Variants in LRP1 observed in about 807,000 individuals in gnomAD.
LRP1 encodes prolow-density lipoprotein receptor-related protein 1.
LRP1 carries 51 observed loss-of-function variants against 541.5 expected under a neutral mutation model. The observed-to-expected ratio is 0.09, with a 90% CI of 0.08 to 0.12. The LOEUF is 0.12. Ranked by LOEUF, LRP1 falls within the 10% of genes least tolerant of loss-of-function variation. The pLI, the probability that LRP1 is intolerant of heterozygous loss-of-function variation, is 1.00. For synonymous variants in LRP1, 2,219 were observed against 2,470.8 expected, an observed-to-expected ratio of 0.90 and a Z score of 3.02; for missense variants, 3,878 against 6,376.2, an observed-to-expected ratio of 0.61 and a Z score of 13.34.
rs781505775 is a variant in LRP1, at chr12:57,187,436, C to T, written c.7011C>T (p.Phe2337=). Residue 2337 remains phenylalanine, a synonymous_variant, in exon 42 of 89, where the codon TTC becomes TTT. Transcript: ENST00000243077. ...CTGGAGATGACCACCCACGGGCCTT[C>T]GTTTTGGACGAGTGCCAGAAGTGAG... ...TMSGDDHPRA[F]VLDECQNLMF... 9 of 1,613,430 alleles carry T rather than the reference C, an allele frequency of 5.6e-6. No homozygotes were observed. The highest frequency in any genetic ancestry group is 2.2e-5 in the East Asian group (1 of 44,892).
chr12:57,181,778 A>G (rs1035408206), intron 34 of LRP1, among the ~76,000 whole-genome samples: 1 of 152,206 alleles, frequency 6.6e-6, no homozygotes, highest in Admixed American at 6.5e-5. Flanking sequence ...TTAGGAGGCC[A>G]TTAGGAGTAA....
intron 3 of LRP1, among the ~76,000 whole-genome samples, chr12:57,143,238 AG>A (rs1326682867): frequency 6.6e-6 from 1 of 152,148 alleles, no homozygotes; most frequent in Non-Finnish European, 1.5e-5. Flanking sequence ...TCCAGGCCAG[AG>A]CTGGGATCCT....
In LRP1 at chr12:57,143,790, C is replaced by T. The variant is rs1406999652; in HGVS notation, c.440C>T (p.Thr147Ile). ...TTTCAGCTTCAGGCAGATGGCAAGA[C>T]CTGCAAAGGTATGTGAGTGCATGTG... ...SSFQLQADGK[T>I]CKDFDECSVY... The change falls in exon 4 of 89, where the codon ACC becomes ATC. Residue 147 changes from threonine to isoleucine, a missense_variant. Around this residue, in one of 13 missense-constraint regions of LRP1, gnomAD observed 293 missense variants for 403.7 expected, o/e 0.73. Transcript: ENST00000243077. The T allele has an allele frequency of 6.8e-6, 11 of 1,613,562 alleles. No individual in the cohort carries two copies. Among genetic ancestry groups the T allele is most frequent in the South Asian group, 2.2e-5 (2 of 90,992 alleles).
rs764688578 is a variant in LRP1, at chr12:57,146,536, A to G, written c.841+1046A>G. 3 of 152,220 alleles carry G rather than the reference A, an allele frequency of 2.0e-5. No homozygotes were observed. The East Asian group carries it at 5.8e-4, about 29-fold the overall frequency. 9.4% of individuals were successfully genotyped at this position (152,220 alleles called of 1,614,324 possible). A position where few individuals can be genotyped will look rare whatever the true frequency, so the allele number is the denominator to read the frequency against. ...TATTTGGTTCTTGTGATGAAAAGAA[A>G]GATCCCAGGAGGTTACAAGGGATTC... On this transcript the variant is annotated intron_variant, in intron 6 of 88. Transcript: ENST00000243077.
At chr12:57,147,751 C>G (rs936073106) in intron 6 of LRP1, 1 of 152,196 alleles carries the variant, frequency 6.6e-6, no homozygotes, top group African/African-American at 2.4e-5. Flanking sequence ...GGAAGGAGGC[C>G]AGGAAATGAG....
Position 57,178,824 on chromosome 12 carries a change from G to A in LRP1, c.4607-66G>A. 6.4e-7 allele frequency: 1 copy of A among 1,558,514 alleles called. No individual in the cohort carries two copies. The highest frequency in any genetic ancestry group is 8.6e-7 in the Non-Finnish European group (1 of 1,156,500). Reference sequence around the variant, plus strand: ...GGAGGAGAGTGGGCGAGGAAGGGGTGGTCCATGTAGGGAGCAGCAAGTCAC... The same window carrying A: ...GGAGGAGAGTGGGCGAGGAAGGGGTAGTCCATGTAGGGAGCAGCAAGTCAC... On this transcript the variant is annotated intron_variant, in intron 27 of 88. Transcript: ENST00000243077. This position sits in a 1 kb window ranked among gnomAD's most constrained non-coding sequence, Gnocchi z 5.8.
intron 20 of LRP1, among the ~76,000 whole-genome samples, chr12:57,172,405 G>A (rs866873844): frequency 2.6e-5 from 4 of 152,184 alleles, no homozygotes; most frequent in Non-Finnish European, 4.4e-5. Flanking sequence ...TCCCGACCTC[G>A]TGATCCGCCC....
intron 50 of LRP1, 108 bp from the exon 51 acceptor site, chr12:57,194,877 C>T (rs906595184): frequency 1.7e-6 from 2 of 1,169,868 alleles, no homozygotes; most frequent in East Asian, 4.7e-5. Flanking sequence ...TGAGCCCCCC[C>T]ACAGAGGGGT....
chr12:57,192,544 A>G (rs2036435556), intron 44 of LRP1, among the ~76,000 whole-genome samples: 1 of 152,030 alleles, frequency 6.6e-6, no homozygotes, highest in Non-Finnish European at 1.5e-5. Flanking sequence ...GGGGCTCACT[A>G]CTGCACCCGT....
chr12:57,156,674 C>T lies in LRP1; in HGVS notation c.1418-103C>T. The T allele has an allele frequency of 7.5e-7, 1 of 1,332,172 alleles. No homozygotes were observed. The highest frequency in any genetic ancestry group is 1.0e-6 in the Non-Finnish European group (1 of 986,884). 82.5% of individuals were successfully genotyped at this position (1,332,172 alleles called of 1,614,324 possible). On this transcript the variant is annotated intron_variant, in intron 9 of 88. Transcript: ENST00000243077. The surrounding 1 kb of genome is among the most constrained non-coding windows in gnomAD (Gnocchi z 5.2). ...AAATCCTAAAATGGGATAGCAAGCA[C>T]AAAGACCACAGCAGCAGGGGGTGTG...
intron 1 of LRP1, among the ~76,000 whole-genome samples, chr12:57,135,578 A>G (rs2035142022): frequency 6.6e-6 from 1 of 152,124 alleles, no homozygotes; most frequent in Non-Finnish European, 1.5e-5. Context: ...GGGCCCTTCA[A>G]CACCAGCCCT....
rs77538090 is a variant in LRP1, at chr12:57,187,812, C to T, written c.7031+356C>T. On this transcript the variant is annotated intron_variant, in intron 42 of 88. Transcript: ENST00000243077. ...GGCAAAGAATGTTTGTCGAACCCTT[C>T]GTACAGAAGCCTAAGGCTGGGCCTA... is the stretch of plus-strand genomic sequence containing the variant. 1.9e-3 allele frequency among the ~76,000 whole-genome samples: 294 copies of T among 152,280 alleles called. 6 individuals carry two copies. The East Asian group carries it at 0.049, about 25-fold the overall frequency.
chr12:57,188,559 G>A (rs1237523917), intron 42 of LRP1, among the ~76,000 whole-genome samples: 1 of 152,120 alleles, frequency 6.6e-6, no homozygotes, highest in Non-Finnish European at 1.5e-5. Context: ...CCTGTCTGGG[G>A]ATGGCCTCAG....
Position 57,210,131 on chromosome 12 carries a change from C to T in LRP1, c.12542C>T (p.Thr4181Ile). Reference sequence around the variant, plus strand: ...AATGGGAAGCGGCTGGACAACGGCACATGCGTGCCTGTGCCCTCTCCAACG... The same window carrying T: ...AATGGGAAGCGGCTGGACAACGGCATATGCGTGCCTGTGCCCTCTCCAACG... ...CPNGKRLDNGTCVPVPSPTPP... is the reference protein window; with the variant it reads ...CPNGKRLDNGICVPVPSPTPP... The change falls in exon 81 of 89, where the codon ACA becomes ATA. Residue 4181 changes from threonine (T) to isoleucine (I), a missense_variant. Coordinates refer to ENST00000243077, the MANE Select transcript of LRP1 (RefSeq NM_002332.3). 1 of 1,612,406 alleles carries T rather than the reference C, an allele frequency of 6.2e-7. No homozygotes were observed. The highest frequency in any genetic ancestry group is 8.5e-7 in the Non-Finnish European group (1 of 1,179,256).
intron 77 of LRP1, 160 bp downstream of exon 77, chr12:57,208,376 C>T (rs932087497): frequency 1.0e-5 from 8 of 763,736 alleles, no homozygotes; most frequent in Admixed American, 2.8e-5. Flanking sequence ...CCTGCCTGGC[C>T]CTCCCCATGC....
chr12:57,141,018 G>A (rs1008799474), intron 2 of LRP1, among the ~76,000 whole-genome samples: 1 of 152,132 alleles, frequency 6.6e-6, no homozygotes, highest in African/African-American at 2.4e-5. Context: ...ATAGGTGTGA[G>A]CCATCACTCC....
In LRP1 at chr12:57,204,394, C is replaced by T. The variant is rs2036724410; in HGVS notation, c.10952-16C>T. On this transcript the variant is annotated splice_polypyrimidine_tract_variant and intron_variant, in intron 70 of 88. Coordinates refer to ENST00000243077, the MANE Select transcript of LRP1 (RefSeq NM_002332.3). The surrounding 1 kb of genome is among the most constrained non-coding windows in gnomAD (Gnocchi z 5.3). ...GCTCATGGCTCATTCTATCTCTTGG[C>T]TCCCCCTGGCACCAGTGCGGACCTG... The T allele has an allele frequency of 1.3e-6, 2 of 1,514,664 alleles. No homozygotes were observed. Among genetic ancestry groups the T allele is most frequent in the South Asian group, 2.7e-5 (2 of 75,184 alleles). 93.8% of individuals were successfully genotyped at this position (1,514,664 alleles called of 1,614,324 possible).
At position 57,199,387 on chromosome 12, in the gene LRP1, G is replaced by C. The variant is rs1415829061; in HGVS notation, c.9852G>C (p.Leu3284=). 3.1e-6 allele frequency: 5 copies of C among 1,609,422 alleles called. No individual in the cohort carries two copies. The highest frequency in any genetic ancestry group is 4.5e-5 in the East Asian group (2 of 44,816). The part of the protein sequence containing the change: ...RPMDLHVFHA[L]RQPDVPNHPC... ...TGGACCTGCATGTCTTCCATGCCCTGCGCCAGCCAGACGGTGAGCAGGCAA... is the reference window on the plus strand; with the variant it reads ...TGGACCTGCATGTCTTCCATGCCCTCCGCCAGCCAGACGGTGAGCAGGCAA... The change falls in exon 61 of 89, where the codon CTG becomes CTC. Residue 3284 remains leucine, a synonymous_variant. Coordinates refer to ENST00000243077, the MANE Select transcript of LRP1 (RefSeq NM_002332.3).
chr12:57,168,480 G>C (rs2035881887), intron 19 of LRP1, among the ~76,000 whole-genome samples: 1 of 152,196 alleles, frequency 6.6e-6, no homozygotes, highest in Admixed American at 6.5e-5. Flanking sequence ...TGCAAGGGGA[G>C]GAGAGAGTTA....
Sources: allele counts gnomAD v4.1 joint callset (sites outside exome capture counted in the v4.1 genomes callset), GRCh38; gene constraint gnomAD v4.1.1; regional missense constraint gnomAD v4.1.1; non-coding constraint Gnocchi (gnomAD v3.1); transcripts MANE v1.5; gene names NCBI Gene and HGNC (gene_info 2026-07-23, HGNC 2026-07-21).